The following ANK2 variants were observed in gnomAD, a reference collection of about 807,000 sequenced individuals.
ANK2 encodes the protein ankyrin-2.
In ANK2, 83 loss-of-function variants were observed where a neutral mutation model predicts 360.5. That is an observed-to-expected ratio of 0.23 (90% CI 0.19 to 0.28). ANK2 has a LOEUF of 0.28. Among genes scored for constraint, ANK2 ranks in the 10% least tolerant of loss-of-function variants. ANK2 has a pLI of 1.00. For missense variants in ANK2, 4,201 were observed against 4,795.7 expected (o/e 0.88, Z 3.66); for synonymous variants, 1,740 against 1,759.5 (o/e 0.99, Z 0.28).
At chr4:113,096,048 C>T (rs1004525110) in intron 1 of ANK2, among the ~76,000 whole-genome samples, 13 of 152,172 alleles carry the variant, frequency 8.5e-5, no homozygotes, top group African/African-American at 3.1e-4. Context: ...AGCTGTGCTC[C>T]AGCGTCTTAC....
At chr4:113,336,220 C>A in intron 30 of ANK2, 163 bp downstream of exon 30, 1 of 745,272 alleles carries the variant, frequency 1.3e-6, no homozygotes, top group Non-Finnish European at 2.1e-6. Flanking sequence ...GGTTACTAAT[C>A]TATTTAAAAA....
At chr4:113,295,731 A>G (rs939131320) in intron 22 of ANK2, among the ~76,000 whole-genome samples, 1 of 152,204 alleles carries the variant, frequency 6.6e-6, no homozygotes, top group Non-Finnish European at 1.5e-5. Flanking sequence ...ACACTAAGAA[A>G]TCATTGTCCA....
intron 1 of ANK2, among the ~76,000 whole-genome samples, chr4:113,107,692 G>A (rs1415579051): frequency 1.3e-5 from 2 of 152,034 alleles, no homozygotes; most frequent in African/African-American, 2.4e-5. Context: ...ATTATCTTAT[G>A]CTTTTATATT....
chr4:112,953,022 A>T (rs1447523266), intron 2 of ANK2, among the ~76,000 whole-genome samples: 2 of 152,194 alleles, frequency 1.3e-5, no homozygotes, highest in African/African-American at 4.8e-5. Context: ...TTCTAAATAC[A>T]CTGCGGTTAT....
intron 1 of ANK2, among the ~76,000 whole-genome samples, chr4:112,839,365 T>G (rs1349144209): frequency 6.6e-6 from 1 of 152,186 alleles, no homozygotes; most frequent in East Asian, 1.9e-4. Context: ...GCTTTTTTTT[T>G]TCAATGAAAT....
the ANK2 span, among the ~76,000 whole-genome samples, chr4:112,795,974 A>G: frequency 2.9e-5 from 4 of 139,760 alleles, no homozygotes; most frequent in Admixed American, 2.9e-4. Context: ...TAATTTTTGT[A>G]TTTTTTGTAG....
intron 26 of ANK2, among the ~76,000 whole-genome samples, chr4:113,322,711 T>G (rs2086974019): frequency 6.6e-6 from 1 of 152,214 alleles, no homozygotes. Flanking sequence ...AAAAACATGT[T>G]GAAGGCAATT....
intron 34 of ANK2, 94 bp downstream of exon 34, chr4:113,343,236 A>T (rs2094481801): frequency 2.2e-6 from 3 of 1,355,534 alleles, no homozygotes; most frequent in Non-Finnish European, 3.1e-6. Flanking sequence ...CTTTTCAGTC[A>T]TCTTCAGAGT....
At chr4:113,195,867 T>C (rs2098738956) in intron 2 of ANK2, among the ~76,000 whole-genome samples, 1 of 152,226 alleles carries the variant, frequency 6.6e-6, no homozygotes, top group Admixed American at 6.5e-5. Flanking sequence ...ACTGAGTAGC[T>C]AGTTGGAGTG....
the ANK2 span, among the ~76,000 whole-genome samples, chr4:112,723,187 G>C: frequency 6.6e-6 from 1 of 152,132 alleles, no homozygotes; most frequent in Non-Finnish European, 1.5e-5. Flanking sequence ...CTGGTTACTT[G>C]CTCCTGTTTA....
intron 2 of ANK2, among the ~76,000 whole-genome samples, chr4:112,981,651 GT>G: frequency 1.3e-5 from 2 of 152,336 alleles, no homozygotes; most frequent in Non-Finnish European, 2.9e-5. Context: ...AGTGAATTCT[GT>G]TCTGGTAGTG....
chr4:113,333,266 A>G, intron 29 of ANK2, 58 bp downstream of exon 29: 4 of 1,598,128 alleles, frequency 2.5e-6, no homozygotes, highest in Non-Finnish European at 3.4e-6. Context: ...AAAATGATTC[A>G]TTTCTTTCTT....
chr4:113,068,041 G>T (rs1393524687), intron 1 of ANK2, among the ~76,000 whole-genome samples: 1 of 152,112 alleles, frequency 6.6e-6, no homozygotes, highest in Non-Finnish European at 1.5e-5. Flanking sequence ...GGATCATTTG[G>T]ATAGCCATTC....
the ANK2 span, among the ~76,000 whole-genome samples, chr4:112,733,377 G>A: frequency 7.9e-5 from 12 of 152,148 alleles, no homozygotes; most frequent in Non-Finnish European, 1.3e-4. Context: ...ATCCAATTCT[G>A]CTTCTTTGTC....
At chr4:113,097,858 G>A (rs1425874015) in intron 1 of ANK2, among the ~76,000 whole-genome samples, 32 of 54,380 alleles carry the variant, frequency 5.9e-4, no homozygotes, top group African/African-American at 1.0e-4. Context: ...GTGTGTGTGT[G>A]TGTGTGTGTA....
the ANK2 span, among the ~76,000 whole-genome samples, chr4:112,705,956 CTT>C: frequency 6.6e-6 from 1 of 151,198 alleles, no homozygotes; most frequent in African/African-American, 2.4e-5. Context: ...GCGGGAGGGA[CTT>C]CGGCTGGGCG....
intron 10 of ANK2, among the ~76,000 whole-genome samples, chr4:113,253,405 G>A (rs1296436385): frequency 2.0e-5 from 3 of 152,110 alleles, no homozygotes; most frequent in Non-Finnish European, 4.4e-5. Context: ...CTGGTGCCAC[G>A]AGTGTACATC....
intron 40 of ANK2, 38 bp downstream of exon 40, chr4:113,363,507 G>C (rs1417272685): frequency 6.2e-7 from 1 of 1,611,888 alleles, no homozygotes. Flanking sequence ...GCTAAAGTTG[G>C]ACATGTCTTG....
At chr4:113,086,809 G>T (rs1387546157) in intron 1 of ANK2, among the ~76,000 whole-genome samples, 1 of 152,162 alleles carries the variant, frequency 6.6e-6, no homozygotes, top group East Asian at 1.9e-4. Flanking sequence ...GTCCATTCCT[G>T]ACAGAAAAAC....
Sources: allele counts gnomAD v4.1 joint callset (sites outside exome capture counted in the v4.1 genomes callset), GRCh38; gene constraint gnomAD v4.1.1; transcripts MANE v1.5; gene names NCBI Gene and HGNC (gene_info 2026-07-23, HGNC 2026-07-21).